The following ADD3 variants were observed in gnomAD, a reference collection of about 807,000 sequenced individuals.
ADD3 encodes gamma-adducin.
ADD3 carries 25 observed loss-of-function variants against 80.2 expected under a neutral mutation model. The observed-to-expected ratio is 0.31, with a 90% CI of 0.23 to 0.44. The LOEUF (loss-of-function observed/expected upper bound fraction) is 0.44. Ranked by LOEUF, ADD3 falls within the 20% of genes least tolerant of loss-of-function variation. ADD3 has a pLI of 1.00. For synonymous variants in ADD3, 284 were observed against 289.6 expected, an observed-to-expected ratio of 0.98 and a Z score of 0.20; for missense variants, 829 against 847.5, an observed-to-expected ratio of 0.98 and a Z score of 0.27.
chr10:110,058,031 A>G (rs1348264540), intron 1 of ADD3, among the ~76,000 whole-genome samples: 1 of 152,142 alleles, frequency 6.6e-6, no homozygotes, highest in East Asian at 1.9e-4. Flanking sequence ...CAGGGACAAA[A>G]TGATTTTCCC....
intron 1 of ADD3, among the ~76,000 whole-genome samples, chr10:110,011,038 T>G (rs2132953938): frequency 6.6e-6 from 1 of 152,298 alleles, no homozygotes; most frequent in South Asian, 2.1e-4. Context: ...GTGCTAGAGT[T>G]TGTGCTAGAG....
intron 1 of ADD3, among the ~76,000 whole-genome samples, chr10:110,042,610 GTTA>G (rs369519863): frequency 4.9e-4 from 74 of 151,320 alleles, no homozygotes; most frequent in African/African-American, 1.6e-3. Context: ...GGATTTTGGT[GTTA>G]TCTAGAAGAA....
chr10:110,063,776 T>TATATAA, intron 1 of ADD3, among the ~76,000 whole-genome samples: 1 of 97,728 alleles, frequency 1.0e-5, no homozygotes, highest in South Asian at 3.2e-4. Flanking sequence ...TATATATATA[T>TATATAA]ATATATAAAG....
intron 1 of ADD3, among the ~76,000 whole-genome samples, chr10:110,096,981 C>T (rs930233673): frequency 6.6e-6 from 1 of 152,172 alleles, no homozygotes; most frequent in African/African-American, 2.4e-5. Context: ...AAGAATGGCA[C>T]TAGCAGTGCT....
intron 1 of ADD3, among the ~76,000 whole-genome samples, chr10:110,043,643 A>G (rs1192904706): frequency 6.6e-6 from 1 of 152,206 alleles, no homozygotes; most frequent in Non-Finnish European, 1.5e-5. Context: ...TAGTCTCTTG[A>G]AACTAAGATA....
chr10:110,022,757 G>A (rs990079254), intron 1 of ADD3, among the ~76,000 whole-genome samples: 3 of 152,186 alleles, frequency 2.0e-5, no homozygotes, highest in Non-Finnish European at 4.4e-5. Context: ...GCACAGAGAA[G>A]GGAAATATCT....
intron 2 of ADD3, chr10:110,112,470 T>C (rs1850169004): frequency 4.9e-6 from 1 of 203,934 alleles, no homozygotes; most frequent in African/African-American, 2.3e-5. Flanking sequence ...TTTTTTACAA[T>C]GGTTTCTTGG....
chr10:110,022,388 A>G (rs561960424), intron 1 of ADD3, among the ~76,000 whole-genome samples: 34 of 152,182 alleles, frequency 2.2e-4, no homozygotes, highest in Non-Finnish European at 4.3e-4. Context: ...CAGAACCATC[A>G]AAGAGGATGA....
intron 1 of ADD3, among the ~76,000 whole-genome samples, chr10:110,050,457 T>C (rs1007074495): frequency 4.0e-5 from 6 of 151,738 alleles, no homozygotes; most frequent in African/African-American, 1.5e-4. Flanking sequence ...CCTTCCACCG[T>C]GATTGTGAGT....
chr10:110,021,273 T>C (rs1853636470), intron 1 of ADD3, among the ~76,000 whole-genome samples: 1 of 152,236 alleles, frequency 6.6e-6, no homozygotes, highest in Non-Finnish European at 1.5e-5. Context: ...ATAGTGTTGT[T>C]ACTGCCCTTT....
rs1853435606 is a variant in ADD3 at position 110,134,331 on chromosome 10, A to AC, written c.*713_*714insC. ...ATGGGTTATTTAGTTTAACTCTGGC[A>AC]AAAAAAAAAAAAAAAATTTTGTATG... On this transcript the variant is annotated 3_prime_UTR_variant, in exon 15 of 15. Coordinates refer to ENST00000356080, the MANE Select transcript of ADD3 (RefSeq NM_016824.5). 3.3e-5 allele frequency: 1 copy of AC among 30,392 alleles called. No homozygotes were observed. Among genetic ancestry groups the AC allele is most frequent in the Non-Finnish European group, 4.4e-5 (1 of 22,580 alleles). 1.9% of individuals were successfully genotyped at this position (30,392 alleles called of 1,614,324 possible). A position where few individuals can be genotyped will look rare whatever the true frequency, so the allele number is the denominator to read the frequency against.
In ADD3 at chr10:110,134,066, T is replaced by G. The variant is rs905685072; in HGVS notation, c.*448T>G. The G allele has an allele frequency of 3.9e-5, 6 of 152,808 alleles. No homozygotes were observed. Among genetic ancestry groups the G allele is most frequent in the Non-Finnish European group, 5.9e-5 (4 of 68,162 alleles). The allele number at this position is 152,808 out of a possible 1,614,324, so 9.5% of individuals were successfully genotyped here. ...ATTGTTTCAGTGGGCATTAACAGAA[T>G]GCTTTAAAAACTTCTAAGACAAGAA... On this transcript the variant is annotated 3_prime_UTR_variant, in exon 15 of 15. Coordinates refer to ENST00000356080, the MANE Select transcript of ADD3 (RefSeq NM_016824.5).
At chr10:110,116,157 C>T in intron 3 of ADD3, 102 bp from the exon 4 acceptor site, 1 of 1,085,038 alleles carries the variant, frequency 9.2e-7, no homozygotes, top group Non-Finnish European at 1.3e-6. Flanking sequence ...TTATTATATA[C>T]AAGGCTGGGA....
chr10:110,125,084 A>G (rs1369537704), intron 10 of ADD3, among the ~76,000 whole-genome samples: 12 of 152,176 alleles, frequency 7.9e-5, no homozygotes, highest in Admixed American at 6.5e-4. Context: ...AATGGCATTC[A>G]ATATGAAAAT....
In ADD3 at chr10:110,124,125, G is replaced by A. The variant is rs374723508; in HGVS notation, c.1252G>A (p.Asp418Asn). 8.1e-6 allele frequency: 13 copies of A among 1,613,966 alleles called. No homozygotes were observed. The African/African-American group carries it at 1.1e-4, about 13-fold the overall frequency. The change falls in exon 10 of 15, where the codon GAT becomes AAT. Residue 418 changes from aspartate to asparagine, a missense_variant. Physicochemically the swap from Asp to Asn is conservative, Grantham distance 23. Transcript: ENST00000356080. ...TGTGACTGCTTTTTCCTTTGAAGAC[G>A]ATACAGTGCCACTCTCTCCTCTCAA... Reference protein sequence around the residue: ...ATVTAFSFEDDTVPLSPLKYM... With the variant: ...ATVTAFSFEDNTVPLSPLKYM...
At chr10:110,027,759 T>C (rs1219309882) in intron 1 of ADD3, among the ~76,000 whole-genome samples, 1 of 152,138 alleles carries the variant, frequency 6.6e-6, no homozygotes, top group Non-Finnish European at 1.5e-5. Flanking sequence ...CCTCTATAAT[T>C]GAAAGGAAAA....
In ADD3 at chr10:110,125,116, T is replaced by C. The variant is rs565964146; in HGVS notation, c.1402-710T>C. On this transcript the variant is annotated intron_variant, in intron 10 of 14. Coordinates refer to ENST00000356080, the MANE Select transcript of ADD3 (RefSeq NM_016824.5). ...AAATACCTAGGCATCAAAATGTCTT[T>C]TCTGTAGTCTATAAGATTTCTTGCC... is the stretch of plus-strand genomic sequence containing the variant. Among the ~76,000 whole-genome samples the C allele has an allele frequency of 2.0e-5, 3 of 152,320 alleles. 1 individual carries two copies. Among genetic ancestry groups the C allele is most frequent in the African/African-American group, 4.8e-5 (2 of 41,566 alleles).
At chr10:110,104,197 A>G (rs903516614) in intron 2 of ADD3, among the ~76,000 whole-genome samples, 3 of 152,190 alleles carry the variant, frequency 2.0e-5, no homozygotes, top group Admixed American at 6.5e-5. Flanking sequence ...GAGAAATTCA[A>G]AGGAGTCACT....
In ADD3 at chr10:110,026,234, G is replaced by C. The variant is rs577694252; in HGVS notation, c.-30+17935G>C. On this transcript the variant is annotated intron_variant, in intron 1 of 14. Transcript: ENST00000356080. ...CCTCCAATGAAAAGGAATAGTTTTA[G>C]GTCATTTGAGTGAAATAGATTATAG... is the stretch of plus-strand genomic sequence containing the variant. Among the ~76,000 whole-genome samples, 8 of 151,360 alleles carry C rather than the reference G, an allele frequency of 5.3e-5. No homozygotes were observed. In the East Asian group the frequency reaches 1.5e-3, roughly 29 times the overall value.
Sources: allele counts gnomAD v4.1 joint callset (sites outside exome capture counted in the v4.1 genomes callset), GRCh38; gene constraint gnomAD v4.1.1; transcripts MANE v1.5; gene names NCBI Gene and HGNC (gene_info 2026-07-23, HGNC 2026-07-21).